The following TANC1 variants were observed in gnomAD, a reference collection of about 807,000 sequenced individuals.
TANC1 encodes the protein protein TANC1.
A neutral mutation model predicts 149.7 loss-of-function variants in TANC1; 77 were observed. The observed-to-expected ratio is 0.51, with a 90% confidence interval of 0.43 to 0.62. TANC1 has a LOEUF of 0.62. Among genes scored for constraint, TANC1 ranks in the 20% least tolerant of loss-of-function variants. The probability of loss-of-function intolerance (pLI) is 0.00; values close to 1 mark genes in which losing one functional copy is unlikely to be tolerated. For synonymous variants in TANC1, 854 were observed against 925.0 expected, an observed-to-expected ratio of 0.92 and a Z score of 1.39; for missense variants, 1,985 against 2,321.8, an observed-to-expected ratio of 0.85 and a Z score of 2.98.
intron 14 of TANC1, among the ~76,000 whole-genome samples, chr2:159,184,358 G>A (rs1024257839): frequency 6.6e-6 from 1 of 152,190 alleles, no homozygotes; most frequent in Non-Finnish European, 1.5e-5. Flanking sequence ...AGGAGTATAG[G>A]TGGGGAGCAG....
intron 4 of TANC1, among the ~76,000 whole-genome samples, 183 bp downstream of exon 4, chr2:159,098,017 A>C (rs2046311290): frequency 6.6e-6 from 1 of 151,568 alleles, no homozygotes; most frequent in Admixed American, 6.6e-5. Context: ...TAATAGATTC[A>C]TCCTGTTTGG....
rs536919307 is a variant in TANC1 at position 159,203,862 on chromosome 2, C to G, written c.3244+4809C>G. ...AAAGTGCTGGGATTACAGGCATGAG[C>G]CACCACACCCAGCCAGTCATGGGCT... On this transcript the variant is annotated intron_variant, in intron 19 of 26. Coordinates refer to ENST00000263635, the MANE Select transcript of TANC1 (RefSeq NM_033394.3). 7.2e-5 allele frequency among the ~76,000 whole-genome samples: 11 copies of G among 152,322 alleles called. No homozygotes were observed. In the South Asian group the frequency reaches 1.9e-3, roughly 26 times the overall value.
chr2:159,198,242 A>G (rs769589334), intron 18 of TANC1, among the ~76,000 whole-genome samples: 10 of 152,224 alleles, frequency 6.6e-5, no homozygotes, highest in Non-Finnish European at 1.5e-4. Context: ...CAACATTCAT[A>G]ATCACATCTG....
At chr2:158,975,316 T>C (rs1437464838) in intron 1 of TANC1, among the ~76,000 whole-genome samples, 1 of 152,142 alleles carries the variant, frequency 6.6e-6, no homozygotes, top group Non-Finnish European at 1.5e-5. Flanking sequence ...GTGACTGTGC[T>C]TACTACTATA....
At chr2:159,227,789 G>C in intron 24 of TANC1, 30 bp from the exon 25 acceptor site, 1 of 1,612,342 alleles carries the variant, frequency 6.2e-7, no homozygotes. Context: ...CTCTGAAAAA[G>C]GACAAATGTT....
At chr2:159,200,141 G>A (rs1348016073) in intron 19 of TANC1, among the ~76,000 whole-genome samples, 1 of 152,232 alleles carries the variant, frequency 6.6e-6, no homozygotes, top group Admixed American at 6.5e-5. Flanking sequence ...ATAATTTGGT[G>A]AAAGAAAAGT....
At chr2:159,076,086 C>G (rs930721366) in intron 3 of TANC1, among the ~76,000 whole-genome samples, 1 of 152,130 alleles carries the variant, frequency 6.6e-6, no homozygotes, top group Non-Finnish European at 1.5e-5. Flanking sequence ...ATTTATTGCT[C>G]TGTTACATTT....
At chr2:159,130,918 T>C (rs1225687544) in intron 4 of TANC1, among the ~76,000 whole-genome samples, 1 of 152,172 alleles carries the variant, frequency 6.6e-6, no homozygotes, top group Non-Finnish European at 1.5e-5. Context: ...CTGGTGGTCC[T>C]TGGCTCCTTA....
Position 159,097,798 on chromosome 2 carries a change from C to T in TANC1, c.223C>T (p.His75Tyr), listed in dbSNP as rs766403307. 20 of 1,613,836 alleles carry T rather than the reference C, an allele frequency of 1.2e-5. No homozygotes were observed. The highest frequency in any genetic ancestry group is 1.7e-5 in the Admixed American group (1 of 59,990). Residue 75 changes from histidine (H) to tyrosine (Y), a missense_variant, in exon 4 of 27, where the codon CAC becomes TAC. Transcript: ENST00000263635. ...CTCACCTTTGCTGCCTCGACAGTCT[C>T]ACTTGGTGCAATCAAGAGTGAACAA... is the stretch of plus-strand genomic sequence containing the variant. ...PSSPLLPRQS[H>Y]LVQSRVNKKS... is the part of the protein sequence containing the mutation.
intron 4 of TANC1, among the ~76,000 whole-genome samples, chr2:159,127,246 A>C (rs752291696): frequency 6.6e-6 from 1 of 152,220 alleles, no homozygotes; most frequent in Non-Finnish European, 1.5e-5. Flanking sequence ...AGAAATGCAA[A>C]TCAGAACCAC....
At chr2:159,142,177 A>G (rs1264135667) in intron 5 of TANC1, among the ~76,000 whole-genome samples, 1 of 152,228 alleles carries the variant, frequency 6.6e-6, no homozygotes, top group Non-Finnish European at 1.5e-5. Context: ...TTTATTTAAC[A>G]CAGTTGTAGA....
intron 4 of TANC1, among the ~76,000 whole-genome samples, chr2:159,130,975 G>A (rs1401823206): frequency 6.6e-6 from 1 of 152,152 alleles, no homozygotes; most frequent in Non-Finnish European, 1.5e-5. Flanking sequence ...TACGTTGAGG[G>A]CAAGCTGTGC....
At chr2:159,033,624 G>A (rs1046089915) in intron 2 of TANC1, among the ~76,000 whole-genome samples, 4 of 152,200 alleles carry the variant, frequency 2.6e-5, no homozygotes, top group African/African-American at 9.6e-5. Flanking sequence ...CAGCCTGGTG[G>A]TTGTCCCTCT....
At chr2:159,156,343 G>T (rs1311185183) in intron 7 of TANC1, among the ~76,000 whole-genome samples, 1 of 152,128 alleles carries the variant, frequency 6.6e-6, no homozygotes, top group Admixed American at 6.6e-5. Context: ...TTGGTAATAT[G>T]CTTAATGTGG....
At chr2:159,089,126 C>T (rs34094248) in intron 3 of TANC1, among the ~76,000 whole-genome samples, 36,874 of 152,116 alleles carry the variant, frequency 0.24, 5,874 homozygotes, top group Non-Finnish European at 0.37. Flanking sequence ...TATCCTCCCC[C>T]TTCCACAGTG....
intron 4 of TANC1, 145 bp from the exon 5 acceptor site, chr2:159,136,049 T>TGA: frequency 4.4e-5 from 4 of 90,882 alleles, no homozygotes; most frequent in East Asian, 3.1e-4. Flanking sequence ...TGTGTGTGTG[T>TGA]GCGCGCGCGC....
chr2:159,180,276 CAT>C (rs1392649373), intron 14 of TANC1, among the ~76,000 whole-genome samples: 1 of 152,206 alleles, frequency 6.6e-6, no homozygotes. Context: ...CTAGGTGAAA[CAT>C]GTGCTGTGAC....
At chr2:159,117,313 T>C (rs564953998) in intron 4 of TANC1, among the ~76,000 whole-genome samples, 3 of 152,242 alleles carry the variant, frequency 2.0e-5, no homozygotes, top group Non-Finnish European at 4.4e-5. Flanking sequence ...CCATACCAAG[T>C]CTCCTCTTAT....
intron 2 of TANC1, among the ~76,000 whole-genome samples, chr2:159,058,353 AGTACTTG>A (rs1461809597): frequency 6.6e-6 from 1 of 152,236 alleles, no homozygotes; most frequent in Non-Finnish European, 1.5e-5. Context: ...GTTGGGAATT[AGTACTTG>A]GTACCAGAAT....
Sources: allele counts gnomAD v4.1 joint callset (sites outside exome capture counted in the v4.1 genomes callset), GRCh38; gene constraint gnomAD v4.1.1; transcripts MANE v1.5; gene names NCBI Gene and HGNC (gene_info 2026-07-23, HGNC 2026-07-21).